MRC1: variants seen among roughly 807,000 people sequenced by gnomAD.
The protein encoded by MRC1 is macrophage mannose receptor 1.
MRC1 carries 62 observed loss-of-function variants against 102.9 expected under a neutral mutation model. The ratio of observed to expected loss-of-function variants is 0.60; its 90% confidence interval spans 0.49 to 0.74. The LOEUF is 0.74. MRC1 is among the 30% of genes least tolerant of loss of function. The pLI is 0.00. For missense variants in MRC1, 1,237 were observed against 862.8 expected, an observed-to-expected ratio of 1.43 and a Z score of -5.43; for synonymous variants, 457 against 298.4, an observed-to-expected ratio of 1.53 and a Z score of -5.48.
At chr10:17,851,115 T>C (rs1327593156) in intron 7 of MRC1, among the ~76,000 whole-genome samples, 3 of 152,194 alleles carry the variant, frequency 2.0e-5, no homozygotes, top group Non-Finnish European at 4.4e-5. Flanking sequence ...TTAGTTAGGA[T>C]GCTCTAGAAC....
At chr10:17,862,350 T>A (rs1833197119) in intron 10 of MRC1, among the ~76,000 whole-genome samples, 1 of 152,182 alleles carries the variant, frequency 6.6e-6, no homozygotes, top group Admixed American at 6.5e-5. Context: ...AGCACCCTAA[T>A]ACAATGCTAA....
At chr10:17,868,556 CAG>C (rs1362119598) in intron 12 of MRC1, among the ~76,000 whole-genome samples, 8 of 152,322 alleles carry the variant, frequency 5.3e-5, no homozygotes, top group Admixed American at 5.2e-4. Context: ...GGTGGGGACA[CAG>C]AGTCAAACCC....
chr10:17,884,731 A>T (rs1833566521), intron 21 of MRC1, among the ~76,000 whole-genome samples: 1 of 152,184 alleles, frequency 6.6e-6, no homozygotes, highest in Non-Finnish European at 1.5e-5. Flanking sequence ...CCCACCCTTA[A>T]TACATGGGAA....
intron 4 of MRC1, among the ~76,000 whole-genome samples, chr10:17,837,591 G>T (rs1838687108): frequency 1.3e-5 from 2 of 151,750 alleles, no homozygotes; most frequent in Non-Finnish European, 2.9e-5. Context: ...GTTTTGAAAA[G>T]TCTGTATCTT....
At chr10:17,858,067 C>G (rs1391026268) in intron 9 of MRC1, among the ~76,000 whole-genome samples, 1 of 152,084 alleles carries the variant, frequency 6.6e-6, no homozygotes, top group African/African-American at 2.4e-5. Context: ...ATAGATATGA[C>G]ATTAAAATAA....
At chr10:17,856,064 G>T (rs913697775) in intron 8 of MRC1, among the ~76,000 whole-genome samples, 178 bp from the exon 9 acceptor site, 46 of 151,880 alleles carry the variant, frequency 3.0e-4, no homozygotes, top group African/African-American at 1.1e-3. Context: ...TAGCTACTAG[G>T]GGGGCTGAGG....
Position 17,881,133 on chromosome 10 carries a change from A to G in MRC1, c.2932A>G (p.Ile978Val), listed in dbSNP as rs1554842397. ...KNWQEARKAC[I>V]GFGGNLVSIQ... ...TTGGCAAGAGGCACGAAAAGCTTGT[A>G]TAGGCTTTGGAGGGAATCTGGTCTC... Residue 978 changes from isoleucine to valine, a missense_variant, in exon 21 of 30, where the codon ATA (isoleucine) becomes GTA (valine). By Grantham distance (29) the Ile-to-Val change is conservative. Transcript: ENST00000569591. The G allele has an allele frequency of 1.3e-6, 1 of 780,812 alleles. No homozygotes were observed. Among genetic ancestry groups the G allele is most frequent in the Admixed American group, 1.7e-5 (1 of 59,030 alleles). The allele number at this position is 780,812 out of a possible 1,614,324, so 48.4% of individuals were successfully genotyped here.
intron 3 of MRC1, among the ~76,000 whole-genome samples, chr10:17,831,443 C>A (rs1838571541): frequency 6.6e-6 from 1 of 151,308 alleles, no homozygotes; most frequent in African/African-American, 2.5e-5. Context: ...TTGCCTGAAT[C>A]AAATTTTGAT....
chr10:17,832,692 A>C (rs946634452), intron 3 of MRC1, among the ~76,000 whole-genome samples: 1,587 of 148,720 alleles, frequency 0.011, 29 homozygotes, highest in African/African-American at 0.038. Flanking sequence ...GGTTCACGCC[A>C]TTCTCCTGCC....
rs993238639 is a variant in MRC1 at position 17,845,058 on chromosome 10, T to C, written c.917-231T>C. On this transcript the variant is annotated intron_variant, in intron 5 of 29. Coordinates refer to ENST00000569591, the MANE Select transcript of MRC1 (RefSeq NM_002438.4). ...GAAAGGGTTGTTTCAAAGAAGTATA[T>C]TTGCTTTATCAACATTCTAAGTATT... 9.9e-4 allele frequency: 758 copies of C among 763,484 alleles called. 7 individuals carry two copies. In the East Asian group the frequency reaches 0.017, roughly 17 times the overall value. The allele number at this position is 763,484 out of a possible 1,614,324, so 47.3% of individuals were successfully genotyped here. A position where few individuals can be genotyped will look rare whatever the true frequency, so the allele number is the denominator to read the frequency against.
chr10:17,843,254 G>A (rs1450258925), intron 5 of MRC1, among the ~76,000 whole-genome samples: 2 of 152,088 alleles, frequency 1.3e-5, no homozygotes, highest in Non-Finnish European at 2.9e-5. Flanking sequence ...TCTTTTTAGT[G>A]CTGATACCTT....
chr10:17,902,310 G>T (rs967560937), intron 26 of MRC1, among the ~76,000 whole-genome samples, 188 bp downstream of exon 26: 4 of 152,112 alleles, frequency 2.6e-5, no homozygotes, highest in African/African-American at 9.7e-5. Context: ...AAATTTTAGA[G>T]AATTTAGAGA....
At chr10:17,856,639 T>C (rs1244206622) in intron 9 of MRC1, among the ~76,000 whole-genome samples, 6 of 152,068 alleles carry the variant, frequency 3.9e-5, no homozygotes, top group Non-Finnish European at 7.4e-5. Flanking sequence ...TCAGAGGGAA[T>C]CTGGCTAAGT....
intron 4 of MRC1, among the ~76,000 whole-genome samples, chr10:17,839,162 C>T (rs1838713076): frequency 6.6e-6 from 1 of 152,038 alleles, no homozygotes; most frequent in South Asian, 2.1e-4. Flanking sequence ...TTCAGTTCTT[C>T]AAGACAAGTT....
At chr10:17,908,649 A>G (rs1419324385) in intron 28 of MRC1, among the ~76,000 whole-genome samples, 1 of 147,576 alleles carries the variant, frequency 6.8e-6, no homozygotes, top group Non-Finnish European at 1.5e-5. Context: ...GCTCACTGCA[A>G]CCTCCACCTC....
intron 4 of MRC1, among the ~76,000 whole-genome samples, chr10:17,839,815 T>C (rs1027990222): frequency 1.5e-4 from 23 of 151,904 alleles, no homozygotes; most frequent in African/African-American, 5.6e-4. Flanking sequence ...TCCCAGCATA[T>C]TGGGAGTCTG....
At position 17,840,685 on chromosome 10, in the gene MRC1, A is replaced by C; in HGVS notation, c.803-8A>C. 1.3e-6 allele frequency: 1 copy of C among 780,226 alleles called. No homozygotes were observed. Among genetic ancestry groups the C allele is most frequent in the Non-Finnish European group, 2.4e-6 (1 of 417,820 alleles). 48.3% of individuals were successfully genotyped at this position (780,226 alleles called of 1,614,324 possible). A position where few individuals can be genotyped will look rare whatever the true frequency, so the allele number is the denominator to read the frequency against. On this transcript the variant is annotated splice_region_variant and splice_polypyrimidine_tract_variant and intron_variant, in intron 4 of 29. Transcript: ENST00000569591. The stretch of plus-strand genomic sequence containing the variant: ...TGTTTGTTTGTTTTGCTTTCTTTAA[A>C]AATATAGGATTAACCAGTTCCTTGA...
chr10:17,834,169 G>A (rs1469032504), intron 4 of MRC1, among the ~76,000 whole-genome samples: 1 of 152,186 alleles, frequency 6.6e-6, no homozygotes, highest in African/African-American at 2.4e-5. Flanking sequence ...TCCTGGTCAA[G>A]TATCCATCAT....
chr10:17,897,136 T>A (rs1833766223), intron 23 of MRC1, among the ~76,000 whole-genome samples: 1 of 152,250 alleles, frequency 6.6e-6, no homozygotes, highest in Non-Finnish European at 1.5e-5. Context: ...TCTTTGATTC[T>A]TCTCTATCCC....
Sources: gnomAD v4.1 joint callset for allele counts (sites outside exome capture counted in the v4.1 genomes callset) on GRCh38, gnomAD v4.1.1 for gene constraint, MANE v1.5 for transcripts, NCBI Gene and HGNC (gene_info 2026-07-23, HGNC 2026-07-21) for gene names.